Variants in SIK2 observed in about 807,000 individuals in gnomAD.
SIK2 encodes salt inducible kinase 2.
A neutral mutation model predicts 103.2 loss-of-function variants in SIK2; 29 were observed. The ratio of observed to expected loss-of-function variants is 0.28; its 90% CI spans 0.21 to 0.38. The LOEUF is 0.38. SIK2 is among the 10% of genes least tolerant of loss of function. SIK2 has a pLI of 1.00. For synonymous variants in SIK2, 412 were observed against 446.1 expected (o/e 0.92, Z 0.96); for missense variants, 879 against 1,171.0 (o/e 0.75, Z 3.64).
intron 3 of SIK2, among the ~76,000 whole-genome samples, chr11:111,636,508 A>C (rs983333403): frequency 1.1e-4 from 17 of 152,216 alleles, no homozygotes; most frequent in African/African-American, 4.1e-4. Flanking sequence ...TACTTTAGTG[A>C]GAGTGTTTTA....
At chr11:111,667,009 C>T (rs1942553820) in intron 3 of SIK2, among the ~76,000 whole-genome samples, 2 of 149,772 alleles carry the variant, frequency 1.3e-5, no homozygotes, top group African/African-American at 2.5e-5. Context: ...TTTCTGTTGC[C>T]CAGGCTGGAG....
chr11:111,717,305 G>C (rs113441774), intron 9 of SIK2, among the ~76,000 whole-genome samples: 8 of 104,168 alleles, frequency 7.7e-5, no homozygotes, highest in Non-Finnish European at 1.2e-4. Flanking sequence ...GCGACAGAGC[G>C]AGACTCCGTC....
intron 9 of SIK2, among the ~76,000 whole-genome samples, chr11:111,715,365 CT>C (rs1381989373): frequency 6.6e-6 from 1 of 152,204 alleles, no homozygotes; most frequent in Non-Finnish European, 1.5e-5. Flanking sequence ...TTGAGACTGC[CT>C]CATGTGCATT....
chr11:111,723,134 G>A (rs956432151), intron 14 of SIK2, among the ~76,000 whole-genome samples: 1 of 152,134 alleles, frequency 6.6e-6, no homozygotes. Context: ...GCTTGGCCAA[G>A]GTAGACCTAC....
intron 3 of SIK2, among the ~76,000 whole-genome samples, chr11:111,637,367 G>T (rs964444261): frequency 6.0e-5 from 9 of 150,630 alleles, no homozygotes; most frequent in African/African-American, 2.2e-4. Context: ...TAAATTCTTG[G>T]ATACATATGC....
intron 9 of SIK2, chr11:111,718,876 T>C (rs1278522863): frequency 1.3e-5 from 2 of 152,238 alleles, no homozygotes; most frequent in Non-Finnish European, 2.9e-5. Context: ...AGGTAAATAA[T>C]TACCTCCTCA....
Position 111,688,422 on chromosome 11 carries a change from G to T in SIK2, c.478+260G>T, listed in dbSNP as rs538208731. On this transcript the variant is annotated intron_variant, in intron 4 of 14. Transcript: ENST00000304987. The surrounding 1 kb of genome is among the most constrained non-coding windows in gnomAD (Gnocchi z 4.2). ...CATTGGCAGGGTTTCGGGGTGCTCT[G>T]CTGGAAGAGGTACATTTATCTGAGT... Among the ~76,000 whole-genome samples, 16 of 152,336 alleles carry T rather than the reference G, an allele frequency of 1.1e-4. No homozygotes were observed. The highest frequency in any genetic ancestry group is 2.1e-4 in the Non-Finnish European group (14 of 68,036).
chr11:111,616,847 G>A (rs1194136448), intron 2 of SIK2, among the ~76,000 whole-genome samples: 1 of 151,840 alleles, frequency 6.6e-6, no homozygotes, highest in Non-Finnish European at 1.5e-5. Flanking sequence ...AAAAAAAGAA[G>A]TTTACAATGT....
rs552875386 is a variant in SIK2, at chr11:111,644,301, A to G, written c.316+23899A>G. ...AGACTCCATCTCAAAAAAAAAAAAA[A>G]AAAGAAAGAAAGAAAAAAGAAAAGA... On this transcript the variant is annotated intron_variant, in intron 3 of 14. Transcript: ENST00000304987. Among the ~76,000 whole-genome samples, 979 of 150,978 alleles carry G rather than the reference A, an allele frequency of 6.5e-3. 8 individuals carry two copies. Among genetic ancestry groups the G allele is most frequent in the African/African-American group, 0.022 (909 of 41,060 alleles).
Position 111,727,247 on chromosome 11 carries a change from G to C in SIK2, c.*3118G>C. On this transcript the variant is annotated 3_prime_UTR_variant, in exon 15 of 15. Transcript: ENST00000304987. ...AATCCCTGCGTGGGAGAGCATCAGG[G>C]CCCACCAGGGGAGTGGGGATGGGGC... 1 of 606,862 alleles carries C rather than the reference G, an allele frequency of 1.6e-6. No individual in the cohort carries two copies. Among genetic ancestry groups the C allele is most frequent in the South Asian group, 2.0e-5 (1 of 50,710 alleles). The allele number at this position is 606,862 out of a possible 1,614,324, so 37.6% of individuals were successfully genotyped here. A position where few individuals can be genotyped will look rare whatever the true frequency, so the allele number is the denominator to read the frequency against.
At chr11:111,710,914 G>A (rs535391443) in intron 8 of SIK2, among the ~76,000 whole-genome samples, 6 of 152,192 alleles carry the variant, frequency 3.9e-5, no homozygotes, top group Non-Finnish European at 8.8e-5. Context: ...AACTATAGCC[G>A]GAAAAATACA....
chr11:111,709,620 A>G (rs971916111), intron 8 of SIK2, among the ~76,000 whole-genome samples: 2 of 152,176 alleles, frequency 1.3e-5, no homozygotes, highest in Non-Finnish European at 2.9e-5. Context: ...TGGGATATTG[A>G]CCATCTATTT....
At chr11:111,612,919 T>A (rs10789842) in intron 1 of SIK2, among the ~76,000 whole-genome samples, 1 of 23,312 alleles carries the variant, frequency 4.3e-5, no homozygotes, top group Non-Finnish European at 1.8e-4. Flanking sequence ...CAATGGGATA[T>A]ATATATATAT....
chr11:111,646,048 A>G (rs1197890710), intron 3 of SIK2, among the ~76,000 whole-genome samples: 2 of 151,976 alleles, frequency 1.3e-5, no homozygotes, highest in East Asian at 3.8e-4. Flanking sequence ...AAGCAGTGTG[A>G]TGATAGCATT....
intron 1 of SIK2, among the ~76,000 whole-genome samples, chr11:111,606,363 A>G (rs547377533): frequency 1.2e-4 from 19 of 152,172 alleles, no homozygotes; most frequent in South Asian, 6.2e-4. Context: ...TAATTCCTCC[A>G]CTAATGGGAA....
intron 3 of SIK2, among the ~76,000 whole-genome samples, chr11:111,645,106 A>G (rs1223691731): frequency 2.6e-5 from 4 of 152,240 alleles, no homozygotes; most frequent in African/African-American, 7.2e-5. Flanking sequence ...TCAGGTAGCA[A>G]CAAGTGCTGT....
chr11:111,679,884 G>A (rs556321691), intron 3 of SIK2, among the ~76,000 whole-genome samples: 4 of 152,272 alleles, frequency 2.6e-5, no homozygotes, highest in African/African-American at 9.6e-5. Flanking sequence ...CAGCACTTTG[G>A]GAGGCCGAGG....
At chr11:111,653,699 C>T (rs769928445) in intron 3 of SIK2, among the ~76,000 whole-genome samples, 4 of 152,178 alleles carry the variant, frequency 2.6e-5, no homozygotes, top group African/African-American at 4.8e-5. Flanking sequence ...GGCACCAGGA[C>T]GGAGATTTAT....
chr11:111,653,372 A>G (rs917344605), intron 3 of SIK2, among the ~76,000 whole-genome samples: 1 of 152,244 alleles, frequency 6.6e-6, no homozygotes, highest in East Asian at 1.9e-4. Flanking sequence ...ACAACGTTGT[A>G]TCCTTTCTCC....
Sources: allele counts gnomAD v4.1 joint callset (sites outside exome capture counted in the v4.1 genomes callset), GRCh38; gene constraint gnomAD v4.1.1; non-coding constraint Gnocchi (gnomAD v3.1); transcripts MANE v1.5; gene names NCBI Gene and HGNC (gene_info 2026-07-23, HGNC 2026-07-21).